Variants in OPCML observed in about 807,000 individuals in gnomAD.
OPCML encodes the protein opioid-binding protein/cell adhesion molecule.
Under a neutral mutation model 37.8 loss-of-function variants are expected in OPCML, and 13 were observed. The observed-to-expected ratio is 0.34, with a 90% confidence interval of 0.22 to 0.55. OPCML has a LOEUF of 0.55. Among genes scored for constraint, OPCML ranks in the 20% least tolerant of loss-of-function variants. The probability of loss-of-function intolerance (pLI) is 0.91; values close to 1 mark genes in which losing one functional copy is unlikely to be tolerated. For missense variants in OPCML, 341 were observed against 435.6 expected (o/e 0.78, Z 1.93); for synonymous variants, 176 against 168.8 (o/e 1.04, Z -0.33).
chr11:133,421,766 T>C (rs1289393083), intron 1 of OPCML: 2 of 985,300 alleles, frequency 2.0e-6, no homozygotes, highest in Non-Finnish European at 2.4e-6. Context: ...CAACAGTCCT[T>C]AATGCTCTGG....
At chr11:133,332,928 C>T (rs143936803) in intron 1 of OPCML, among the ~76,000 whole-genome samples, 14 of 152,206 alleles carry the variant, frequency 9.2e-5, no homozygotes, top group Middle Eastern at 3.4e-3. Context: ...ACTACAGTGA[C>T]GCAAACAGCA....
At position 132,827,878 on chromosome 11, in the gene OPCML, G is replaced by T. The variant is rs547025277; in HGVS notation, c.146+115048C>A. Among the ~76,000 whole-genome samples, 124 of 151,708 alleles carry T rather than the reference G, an allele frequency of 8.2e-4. 2 individuals carry two copies. Among genetic ancestry groups the T allele is most frequent in the Middle Eastern group, 3.4e-3 (1 of 294 alleles). On this transcript the variant is annotated intron_variant, in intron 2 of 7. Coordinates refer to ENST00000524381, the MANE Select transcript of OPCML (RefSeq NM_001012393.5). ...GATCTCCTGACCTCATGATCTGCCC[G>T]CCTCGGCCTCCCACAGTGCTGGGAT... is the stretch of plus-strand genomic sequence containing the variant.
chr11:133,119,867 G>A (rs941618991), intron 1 of OPCML, among the ~76,000 whole-genome samples: 3 of 152,138 alleles, frequency 2.0e-5, no homozygotes, highest in South Asian at 2.1e-4. Flanking sequence ...AGCAGGTAGC[G>A]GGAAAGGTGA....
At position 132,701,589 on chromosome 11, in the gene OPCML, G is replaced by T. The variant is rs527557672; in HGVS notation, c.147-44270C>A. Among the ~76,000 whole-genome samples the T allele has an allele frequency of 2.6e-3, 390 of 152,208 alleles. 3 individuals carry two copies. The highest frequency in any genetic ancestry group is 5.4e-3 in the South Asian group (26 of 4,824). On this transcript the variant is annotated intron_variant, in intron 2 of 7. Transcript: ENST00000524381. The stretch of plus-strand genomic sequence containing the variant: ...GCAAATAGTTGGACCAGTTTTTTGT[G>T]TTTATGCTCTCAGCCACTCTATGTC...
At chr11:133,242,811 G>A (rs960429417) in intron 1 of OPCML, among the ~76,000 whole-genome samples, 20 of 152,168 alleles carry the variant, frequency 1.3e-4, no homozygotes, top group African/African-American at 4.6e-4. Flanking sequence ...ATAAACACTA[G>A]CCGAGTGCAG....
intron 4 of OPCML, among the ~76,000 whole-genome samples, chr11:132,443,820 GAGACATGTGCC>G (rs1401463502): frequency 1.3e-5 from 2 of 152,194 alleles, no homozygotes; most frequent in Non-Finnish European, 2.9e-5. Flanking sequence ...AGTTCCTGAG[GAGACATGTGCC>G]TGAATCCTAT....
chr11:133,232,628 T>G (rs1447030014), intron 1 of OPCML, among the ~76,000 whole-genome samples: 1 of 152,152 alleles, frequency 6.6e-6, no homozygotes, highest in Non-Finnish European at 1.5e-5. Flanking sequence ...ACACAGCACA[T>G]GCACACACAC....
chr11:133,337,382 G>C (rs1156681455), intron 1 of OPCML, among the ~76,000 whole-genome samples: 1 of 152,170 alleles, frequency 6.6e-6, no homozygotes, highest in Non-Finnish European at 1.5e-5. Flanking sequence ...GGTCTTGCAA[G>C]GCAGGAGGAA....
chr11:133,294,736 A>C (rs1343491243), intron 1 of OPCML, among the ~76,000 whole-genome samples: 1 of 150,216 alleles, frequency 6.7e-6, no homozygotes, highest in Non-Finnish European at 1.5e-5. Flanking sequence ...AGGGTAATGA[A>C]TTAATATGGA....
At chr11:132,614,805 T>A (rs1018341987) in intron 3 of OPCML, among the ~76,000 whole-genome samples, 1 of 152,204 alleles carries the variant, frequency 6.6e-6, no homozygotes, top group East Asian at 1.9e-4. Context: ...TTCAGACATA[T>A]AGAAACAATT....
chr11:133,434,798 G>GTATATA (rs57835682), intron 1 of OPCML, among the ~76,000 whole-genome samples: 131 of 128,984 alleles, frequency 1.0e-3, no homozygotes, highest in Middle Eastern at 4.8e-3. Context: ...TTATATATAT[G>GTATATA]TATATATATA....
intron 3 of OPCML, among the ~76,000 whole-genome samples, chr11:132,607,400 G>A (rs532532678): frequency 8.5e-5 from 13 of 152,248 alleles, no homozygotes; most frequent in Admixed American, 1.3e-4. Flanking sequence ...TATTTCCCAC[G>A]GAGCTTTTGT....
At chr11:133,466,474 C>T (rs994936394) in intron 1 of OPCML, among the ~76,000 whole-genome samples, 3 of 152,086 alleles carry the variant, frequency 2.0e-5, no homozygotes, top group African/African-American at 4.8e-5. Context: ...AAGGAGATGG[C>T]CAGTGGAAGC....
At chr11:132,771,801 C>G (rs2136124584) in intron 2 of OPCML, 1 of 152,350 alleles carries the variant, frequency 6.6e-6, no homozygotes, top group African/African-American at 2.4e-5. Context: ...GAAACCATCT[C>G]TCTTCAAGGT....
chr11:132,774,596 G>T (rs1591592120), intron 2 of OPCML, among the ~76,000 whole-genome samples: 2 of 152,298 alleles, frequency 1.3e-5, no homozygotes, highest in East Asian at 3.9e-4. Flanking sequence ...CAAAGGGGCT[G>T]CATGAGCATG....
At chr11:132,675,347 A>T (rs777560847) in intron 2 of OPCML, among the ~76,000 whole-genome samples, 2 of 152,046 alleles carry the variant, frequency 1.3e-5, no homozygotes, top group Non-Finnish European at 2.9e-5. Context: ...CAATGACACA[A>T]TGTATAGCTC....
chr11:133,317,583 G>A (rs1016821791), intron 1 of OPCML, among the ~76,000 whole-genome samples: 2 of 152,188 alleles, frequency 1.3e-5, no homozygotes, highest in Non-Finnish European at 2.9e-5. Context: ...TGTCGTAGTA[G>A]TCGCAACGGA....
At chr11:133,495,873 T>A (rs1055434725) in intron 1 of OPCML, among the ~76,000 whole-genome samples, 7 of 152,190 alleles carry the variant, frequency 4.6e-5, no homozygotes, top group Non-Finnish European at 1.0e-4. Flanking sequence ...TGCTGACTGT[T>A]CCTTTTGCCC....
chr11:132,723,403 C>T (rs1944751183), intron 2 of OPCML, among the ~76,000 whole-genome samples: 2 of 152,132 alleles, frequency 1.3e-5, no homozygotes, highest in African/African-American at 2.4e-5. Context: ...CTGCTATTTC[C>T]CACCACATAA....
Sources: allele counts gnomAD v4.1 joint callset (sites outside exome capture counted in the v4.1 genomes callset), GRCh38; gene constraint gnomAD v4.1.1; transcripts MANE v1.5; gene names NCBI Gene and HGNC (gene_info 2026-07-23, HGNC 2026-07-21).